The following MCTP2 variants were observed in gnomAD, a reference collection of about 807,000 sequenced individuals.
The protein encoded by MCTP2 is multiple C2 and transmembrane domain-containing protein 2.
A neutral mutation model predicts 111.6 loss-of-function variants in MCTP2; 132 were observed. That is an observed-to-expected ratio of 1.18 (90% CI 1.03 to 1.37). The LOEUF (loss-of-function observed/expected upper bound fraction) is 1.37, where lower values mean the gene tolerates loss of function less well. Among genes scored for constraint, MCTP2 ranks in the 40% most tolerant of loss-of-function variants. The pLI is 0.00. For missense variants in MCTP2, 1,183 were observed against 1,067.9 expected (o/e 1.11, Z -1.50); for synonymous variants, 395 against 387.7 (o/e 1.02, Z -0.22).
chr15:94,291,763 AT>A (rs1300244092), intron 1 of MCTP2, among the ~76,000 whole-genome samples: 2 of 152,210 alleles, frequency 1.3e-5, no homozygotes, highest in Non-Finnish European at 2.9e-5. Flanking sequence ...CTTAAACCTT[AT>A]TTTTAAAATG....
At chr15:94,344,451 C>T (rs1255168783) in intron 7 of MCTP2, among the ~76,000 whole-genome samples, 1 of 152,140 alleles carries the variant, frequency 6.6e-6, no homozygotes, top group East Asian at 1.9e-4. Context: ...TAGAGCTTTG[C>T]AGTACTGAAT....
chr15:94,324,298 A>G (rs1307450767), intron 4 of MCTP2, among the ~76,000 whole-genome samples: 88 of 152,240 alleles, frequency 5.8e-4, no homozygotes, highest in Non-Finnish European at 1.5e-5. Context: ...GAGCGCTAAT[A>G]CGTGGAAAAC....
At chr15:94,468,629 A>G (rs552046948) in intron 20 of MCTP2, among the ~76,000 whole-genome samples, 2 of 152,276 alleles carry the variant, frequency 1.3e-5, no homozygotes, top group East Asian at 3.9e-4. Context: ...GATTAAAAAC[A>G]ATAACACTCA....
rs547726863 is a variant in MCTP2, at chr15:94,356,412, G to A, written c.1170+111G>A. ...AGTAGAAGTAATTTATGTTCAGCCC[G>A]CCTAACTATATTAAAGAGCAGAAAA... On this transcript the variant is annotated intron_variant, in intron 9 of 22. Coordinates refer to ENST00000357742, the MANE Select transcript of MCTP2 (RefSeq NM_001385001.1). 618 of 996,742 alleles carry A rather than the reference G, an allele frequency of 6.2e-4. 3 individuals carry two copies. The highest frequency in any genetic ancestry group is 7.9e-4 in the Non-Finnish European group (568 of 722,366). 61.7% of individuals were successfully genotyped at this position (996,742 alleles called of 1,614,324 possible). A position where few individuals can be genotyped will look rare whatever the true frequency, so the allele number is the denominator to read the frequency against.
In MCTP2 at chr15:94,367,793, T is replaced by G; in HGVS notation, c.1488+2T>G. On this transcript the variant is annotated splice_donor_variant, in intron 11 of 22. Transcript: ENST00000357742. LOFTEE classifies it high-confidence loss of function. ...AGAAAGCAGATTACCCAGCGATATG[T>G]GAGTGTTTTTCCTTATTGTACACTC... 1.9e-6 allele frequency: 3 copies of G among 1,596,566 alleles called. No individual in the cohort carries two copies. The highest frequency in any genetic ancestry group is 2.6e-6 in the Non-Finnish European group (3 of 1,173,226).
intron 1 of MCTP2, among the ~76,000 whole-genome samples, chr15:94,288,006 G>C (rs1013854417): frequency 2.6e-5 from 4 of 152,194 alleles, no homozygotes; most frequent in African/African-American, 9.7e-5. Flanking sequence ...CAACAGTCTT[G>C]TGGTGGAGGC....
intron 17 of MCTP2, among the ~76,000 whole-genome samples, chr15:94,414,795 C>T (rs1596635672): frequency 6.6e-6 from 1 of 152,130 alleles, no homozygotes; most frequent in African/African-American, 2.4e-5. Context: ...GTTCCATTCA[C>T]GCCCCATGAT....
intron 10 of MCTP2, among the ~76,000 whole-genome samples, chr15:94,361,995 C>G (rs547047308): frequency 6.6e-6 from 1 of 152,224 alleles, no homozygotes; most frequent in Non-Finnish European, 1.5e-5. Context: ...GCTGACTTCC[C>G]CTTTTTCCAT....
At chr15:94,477,968 G>T (rs1194712399) in intron 22 of MCTP2, among the ~76,000 whole-genome samples, 2 of 152,180 alleles carry the variant, frequency 1.3e-5, no homozygotes, top group African/African-American at 4.8e-5. Flanking sequence ...AAGGAATGGG[G>T]TGTTTTCTTC....
chr15:94,430,796 T>C (rs188045681), intron 17 of MCTP2, among the ~76,000 whole-genome samples: 53 of 152,092 alleles, frequency 3.5e-4, no homozygotes, highest in Admixed American at 9.2e-4. Context: ...GAAGAAGGCA[T>C]ACTCCCGATT....
chr15:94,360,543 C>G (rs2078874433), intron 10 of MCTP2, among the ~76,000 whole-genome samples: 2 of 152,208 alleles, frequency 1.3e-5, no homozygotes, highest in Non-Finnish European at 2.9e-5. Context: ...AAAGTGTTAT[C>G]TGAACAGTGG....
intron 7 of MCTP2, chr15:94,341,231 C>T: frequency 3.1e-6 from 1 of 320,038 alleles, no homozygotes; most frequent in Non-Finnish European, 6.0e-6. Context: ...ATTGGGAGTT[C>T]TTTTGGGAAG....
intron 1 of MCTP2, among the ~76,000 whole-genome samples, chr15:94,296,161 T>C (rs2075267662): frequency 6.6e-6 from 1 of 152,168 alleles, no homozygotes; most frequent in South Asian, 2.1e-4. Context: ...TACCCTACTC[T>C]CCTTCATTAA....
At chr15:94,333,736 T>C (rs2077231384) in intron 4 of MCTP2, among the ~76,000 whole-genome samples, 2 of 152,200 alleles carry the variant, frequency 1.3e-5, no homozygotes. Flanking sequence ...TGCCTGTTAT[T>C]TTTATTAATT....
intron 7 of MCTP2, among the ~76,000 whole-genome samples, chr15:94,344,925 G>T (rs900375295): frequency 5.9e-5 from 9 of 152,154 alleles, no homozygotes; most frequent in Admixed American, 5.9e-4. Flanking sequence ...AGAAAATGAT[G>T]TAACACAACC....
intron 1 of MCTP2, among the ~76,000 whole-genome samples, chr15:94,282,923 T>G (rs1194322853): frequency 6.6e-6 from 1 of 152,018 alleles, no homozygotes; most frequent in Non-Finnish European, 1.5e-5. Flanking sequence ...CTGGAGGAGC[T>G]GAAGTGTTCA....
chr15:94,246,952 T>C (rs2072057628), intron 1 of MCTP2, among the ~76,000 whole-genome samples: 1 of 152,190 alleles, frequency 6.6e-6, no homozygotes, highest in African/African-American at 2.4e-5. Flanking sequence ...CTGCCATCTT[T>C]GATAGTAACT....
At chr15:94,440,334 C>A (rs768255726) in intron 18 of MCTP2, 36 bp downstream of exon 18, 2 of 1,610,522 alleles carry the variant, frequency 1.2e-6, no homozygotes, top group Middle Eastern at 1.7e-4. Flanking sequence ...ATTTGACTGC[C>A]GAGAAATGTG....
At chr15:94,308,425 C>T (rs2075982011) in intron 2 of MCTP2, among the ~76,000 whole-genome samples, 1 of 152,182 alleles carries the variant, frequency 6.6e-6, no homozygotes, top group African/African-American at 2.4e-5. Context: ...GGAAGCCCAA[C>T]CTAGAGTGCT....
Sources: allele counts gnomAD v4.1 joint callset (sites outside exome capture counted in the v4.1 genomes callset), GRCh38; gene constraint gnomAD v4.1.1; transcripts MANE v1.5; gene names NCBI Gene and HGNC (gene_info 2026-07-23, HGNC 2026-07-21).